Variants in LAMC1 observed in about 807,000 individuals in gnomAD.
LAMC1 encodes laminin subunit gamma-1.
LAMC1 carries 38 observed loss-of-function variants against 173.6 expected under a neutral mutation model. The ratio of observed to expected loss-of-function variants is 0.22; its 90% CI spans 0.17 to 0.29. LAMC1 has a LOEUF of 0.29. LAMC1 is among the 10% of genes least tolerant of loss of function. The probability of loss-of-function intolerance (pLI) is 1.00; values close to 1 mark genes in which losing one functional copy is unlikely to be tolerated. For synonymous variants in LAMC1, 746 were observed against 749.1 expected (o/e 1.00, Z 0.07); for missense variants, 1,824 against 2,051.8 (o/e 0.89, Z 2.14).
chr1:183,117,857 G>A (rs921555748), intron 10 of LAMC1, 134 bp downstream of exon 10: 12 of 851,318 alleles, frequency 1.4e-5, no homozygotes, highest in Middle Eastern at 5.8e-4. Context: ...GTAAAAGGGA[G>A]CCTTCCTTTC....
At position 183,108,494 on chromosome 1, in the gene LAMC1, C is replaced by A. The variant is rs1231191164; in HGVS notation, c.854+88C>A. On this transcript the variant is annotated intron_variant, in intron 3 of 27. Transcript: ENST00000258341. ...CAACTTGTTTACAACTATGTTAATA[C>A]CGTTGTTAGATGTTTTCTTTACCAA... 5.1e-6 allele frequency: 6 copies of A among 1,178,020 alleles called. No homozygotes were observed. In the East Asian group the frequency reaches 1.0e-4, roughly 20 times the overall value. 73.0% of individuals were successfully genotyped at this position (1,178,020 alleles called of 1,614,324 possible).
rs1255158002 is a variant in LAMC1 at position 183,131,157 on chromosome 1, A to G, written c.3487-142A>G. Reference sequence around the variant, plus strand: ...CCATTGCCCTTCTGCCTGGGCAACAAGAGTGAAACTATCTCAAAAAAAAAA... The same window carrying G: ...CCATTGCCCTTCTGCCTGGGCAACAGGAGTGAAACTATCTCAAAAAAAAAA... On this transcript the variant is annotated intron_variant, in intron 19 of 27. Transcript: ENST00000258341. The G allele has an allele frequency of 2.6e-5, 16 of 617,038 alleles. No homozygotes were observed. The East Asian group carries it at 3.9e-4, about 15-fold the overall frequency. 38.2% of individuals were successfully genotyped at this position (617,038 alleles called of 1,614,324 possible).
chr1:183,080,193 G>A (rs373098476), intron 1 of LAMC1, among the ~76,000 whole-genome samples: 1 of 152,150 alleles, frequency 6.6e-6, no homozygotes, highest in East Asian at 1.9e-4. Context: ...GCAGTGAGCC[G>A]AGATTATGCC....
In LAMC1 at chr1:183,127,116, A is replaced by T. The variant is rs555803760; in HGVS notation, c.2945-110A>T. 1.4e-5 allele frequency: 14 copies of T among 994,374 alleles called. No homozygotes were observed. The South Asian group carries it at 2.5e-4, about 18-fold the overall frequency. 61.6% of individuals were successfully genotyped at this position (994,374 alleles called of 1,614,324 possible). On this transcript the variant is annotated intron_variant, in intron 16 of 27. Transcript: ENST00000258341. Reference sequence around the variant, plus strand: ...ATAAATAGTCCTGTTTTTCAAAAAAATTATGACAGTATAGTCAGCTTATAG... The same window carrying T: ...ATAAATAGTCCTGTTTTTCAAAAAATTTATGACAGTATAGTCAGCTTATAG...
intron 2 of LAMC1, among the ~76,000 whole-genome samples, chr1:183,106,934 C>T (rs560119372): frequency 1.3e-5 from 2 of 152,252 alleles, no homozygotes; most frequent in African/African-American, 4.8e-5. Flanking sequence ...AGTCACACAC[C>T]CAAGCCTAGA....
intron 2 of LAMC1, among the ~76,000 whole-genome samples, chr1:183,107,115 C>T (rs1022368788): frequency 6.6e-6 from 1 of 152,220 alleles, no homozygotes; most frequent in Non-Finnish European, 1.5e-5. Context: ...CATGCTTGTC[C>T]TCTGCCATTA....
At chr1:183,116,742 CTGAT>C in intron 7 of LAMC1, 21 bp from the exon 8 acceptor site, 5 of 1,612,612 alleles carry the variant, frequency 3.1e-6, no homozygotes, top group South Asian at 1.1e-5. Context: ...AAAAAAGTAA[CTGAT>C]TGTGTCTTAA....
chr1:183,072,958 A>G (rs1655048180), intron 1 of LAMC1, among the ~76,000 whole-genome samples: 1 of 152,180 alleles, frequency 6.6e-6, no homozygotes, highest in Non-Finnish European at 1.5e-5. Flanking sequence ...ATTCTACTTT[A>G]TGGTTAGTTG....
In LAMC1 at chr1:183,084,338, G is replaced by A. The variant is rs544020716; in HGVS notation, c.419-18990G>A. Among the ~76,000 whole-genome samples the A allele has an allele frequency of 1.8e-3, 268 of 144,866 alleles. 1 individual carries two copies. The highest frequency in any genetic ancestry group is 5.4e-3 in the African/African-American group (211 of 39,056). ...AGCCTGGGCGTCAGAGCAAGACTCC[G>A]TCTCAAGAAAAAAAAAAAAAAAGCA... On this transcript the variant is annotated intron_variant, in intron 1 of 27. Transcript: ENST00000258341.
chr1:183,044,742 T>A (rs1162081260), intron 1 of LAMC1, among the ~76,000 whole-genome samples: 1 of 152,130 alleles, frequency 6.6e-6, no homozygotes. Context: ...CTTTAAGAAC[T>A]GGAAAATAAC....
chr1:183,045,866 T>A (rs1235325255), intron 1 of LAMC1, among the ~76,000 whole-genome samples: 1 of 152,064 alleles, frequency 6.6e-6, no homozygotes, highest in Non-Finnish European at 1.5e-5. Context: ...TGTATCTTAG[T>A]GGTTTTATTT....
At chr1:183,107,963 G>C (rs1227146494) in intron 2 of LAMC1, among the ~76,000 whole-genome samples, 1 of 152,196 alleles carries the variant, frequency 6.6e-6, no homozygotes, top group Non-Finnish European at 1.5e-5. Flanking sequence ...GAAGGGGCAT[G>C]TGTATCGAGT....
Position 183,046,862 on chromosome 1 carries a change from A to G in LAMC1, c.418+22728A>G, listed in dbSNP as rs571713682. 2.0e-5 allele frequency among the ~76,000 whole-genome samples: 3 copies of G among 152,240 alleles called. No homozygotes were observed. In the South Asian group the frequency reaches 6.2e-4, roughly 32 times the overall value. ...CCCCTTAAATATTATGCCTTTATAA[A>G]GCTCTGCTAATTTGATAGGTGAGAT... On this transcript the variant is annotated intron_variant, in intron 1 of 27. Coordinates refer to ENST00000258341, the MANE Select transcript of LAMC1 (RefSeq NM_002293.4).
chr1:183,116,718 A>G (rs1192127581), intron 7 of LAMC1, 43 bp downstream of exon 7: 13 of 1,610,362 alleles, frequency 8.1e-6, no homozygotes, highest in Non-Finnish European at 1.0e-5. Flanking sequence ...TTCTGTTACC[A>G]TATTTCAAGT....
chr1:183,121,840 T>C lies in LAMC1; in HGVS notation c.2108T>C (p.Met703Thr), dbSNP rs774105317. 21 of 1,614,040 alleles carry C rather than the reference T, an allele frequency of 1.3e-5. No individual in the cohort carries two copies. Among genetic ancestry groups the C allele is most frequent in the Non-Finnish European group, 1.8e-5 (21 of 1,180,020 alleles). ...GGATATGGAGGGCAGTTTTGTGAGA[T>C]GTGCCTCTCAGGTTACAGAAGAGAA... is the stretch of plus-strand genomic sequence containing the variant. ...PVGYGGQFCEMCLSGYRRETP... is the reference protein window; with the variant it reads ...PVGYGGQFCETCLSGYRRETP... The change falls in exon 12 of 28, where the codon ATG becomes ACG. Residue 703 changes from methionine (M) to threonine (T), a missense_variant. Physicochemically the swap from Met to Thr is moderately conservative, Grantham distance 81. Coordinates refer to ENST00000258341, the MANE Select transcript of LAMC1 (RefSeq NM_002293.4).
Position 183,110,594 on chromosome 1 carries a change from C to A in LAMC1, c.961C>A (p.Pro321Thr). 6.2e-7 allele frequency: 1 copy of A among 1,614,052 alleles called. No individual in the cohort carries two copies. Among genetic ancestry groups the A allele is most frequent in the Non-Finnish European group, 8.5e-7 (1 of 1,179,962 alleles). ...TGGAGTAGACTGTGAAAAGTGTCTT[C>A]CTTTCTTCAATGACCGGCCGTGGAG... Reference protein sequence around the residue: ...TYGVDCEKCLPFFNDRPWRRA... With the variant: ...TYGVDCEKCLTFFNDRPWRRA... Residue 321 changes from proline (P) to threonine (T), a missense_variant, in exon 4 of 28, where the codon CCT becomes ACT. Pro to Thr is a conservative substitution (Grantham distance 38). Coordinates refer to ENST00000258341, the MANE Select transcript of LAMC1 (RefSeq NM_002293.4).
intron 2 of LAMC1, among the ~76,000 whole-genome samples, chr1:183,105,150 G>A (rs573129937): frequency 3.4e-5 from 5 of 147,128 alleles, no homozygotes; most frequent in African/African-American, 5.0e-5. Context: ...ACTTGAACCC[G>A]GGAGGTGGAG....
At chr1:183,052,283 A>G (rs1654447262) in intron 1 of LAMC1, among the ~76,000 whole-genome samples, 1 of 151,890 alleles carries the variant, frequency 6.6e-6, no homozygotes, top group Admixed American at 6.6e-5. Context: ...AAACTCTGCT[A>G]ATTGATATTC....
chr1:183,115,216 C>T (rs929526667), intron 5 of LAMC1, among the ~76,000 whole-genome samples: 7 of 152,104 alleles, frequency 4.6e-5, no homozygotes, highest in African/African-American at 7.2e-5. Flanking sequence ...GGGCTGTGAT[C>T]ACCCACAGAG....
Sources: gnomAD v4.1 joint callset for allele counts (sites outside exome capture counted in the v4.1 genomes callset) on GRCh38, gnomAD v4.1.1 for gene constraint, MANE v1.5 for transcripts, NCBI Gene and HGNC (gene_info 2026-07-23, HGNC 2026-07-21) for gene names.